Variants in BRAF observed in about 807,000 individuals in gnomAD.
BRAF encodes the protein serine/threonine-protein kinase B-raf.
A neutral mutation model predicts 104.6 loss-of-function variants in BRAF; 16 were observed. That is an observed-to-expected ratio of 0.15 (90% CI 0.10 to 0.23). The LOEUF is 0.23. Ranked by LOEUF, BRAF falls within the 10% of genes least tolerant of loss-of-function variation. The pLI, the probability that BRAF is intolerant of heterozygous loss-of-function variation, is 1.00. For synonymous variants in BRAF, 310 were observed against 341.6 expected (o/e 0.91, Z 1.02); for missense variants, 541 against 937.3 (o/e 0.58, Z 5.52).
chr7:140,826,301 ATAAC>A lies in BRAF; in HGVS notation c.504+8304_504+8307del, dbSNP rs1470068211. Among the ~76,000 whole-genome samples the A allele has an allele frequency of 2.6e-5, 4 of 152,278 alleles. No homozygotes were observed. In the East Asian group the frequency reaches 7.7e-4, roughly 29 times the overall value. ...GTATGTTCACTCTTTTTTCCTAGAG[ATAAC>A]TGTTTCTTTTGAACTTTCTACATTT... On this transcript the variant is annotated intron_variant, in intron 3 of 19. Coordinates refer to ENST00000644969, the MANE Select transcript of BRAF (RefSeq NM_001374258.1).
chr7:140,820,705 C>T (rs1805383722), intron 3 of BRAF, among the ~76,000 whole-genome samples: 1 of 152,080 alleles, frequency 6.6e-6, no homozygotes, highest in South Asian at 2.1e-4. Flanking sequence ...TATGGGAGGC[C>T]ACAGAGGGAG....
chr7:140,786,249 CTTA>C (rs1801342645), intron 9 of BRAF, among the ~76,000 whole-genome samples: 1 of 152,052 alleles, frequency 6.6e-6, no homozygotes, highest in South Asian at 2.1e-4. Flanking sequence ...AGAATGCAGG[CTTA>C]TTATTATTTT....
In BRAF at chr7:140,853,545, C is replaced by T. The variant is rs545180429; in HGVS notation, c.139-3333G>A. ...TCCAATCACATTTGGCCTAACTGAA[C>T]GTGCCAAGTATACTCCCAGTGCAGG... is the stretch of plus-strand genomic sequence containing the variant. On this transcript the variant is annotated intron_variant, in intron 1 of 19. Transcript: ENST00000644969. Among the ~76,000 whole-genome samples, 23 of 152,292 alleles carry T rather than the reference C, an allele frequency of 1.5e-4. 1 individual carries two copies. The highest frequency in any genetic ancestry group is 5.5e-4 in the African/African-American group (23 of 41,550).
rs374122153 is a variant in BRAF, at chr7:140,825,740, A to G, written c.504+8869T>C. ...ACAGGTACCTCTCAGTACTCTGAGT[A>G]TATTATTCTATTGTTTTCTGATTTC... On this transcript the variant is annotated intron_variant, in intron 3 of 19. Coordinates refer to ENST00000644969, the MANE Select transcript of BRAF (RefSeq NM_001374258.1). 8.5e-5 allele frequency among the ~76,000 whole-genome samples: 13 copies of G among 152,286 alleles called. 1 individual carries two copies. The highest frequency in any genetic ancestry group is 8.3e-4 in the South Asian group (4 of 4,822).
Position 140,724,745 on chromosome 7 carries a change from T to C in BRAF, c.*1749A>G. ...TTCTAATTCCTTGATTTATTCTGGGTCTTGTTTAATTTCTTTCAAGTCCTT... is the reference window on the plus strand; with the variant it reads ...TTCTAATTCCTTGATTTATTCTGGGCCTTGTTTAATTTCTTTCAAGTCCTT... On this transcript the variant is annotated 3_prime_UTR_variant, in exon 20 of 20. Transcript: ENST00000644969. The C allele has an allele frequency of 9.7e-7, 1 of 1,034,066 alleles. No homozygotes were observed. The highest frequency in any genetic ancestry group is 1.2e-6 in the Non-Finnish European group (1 of 859,462). The allele number at this position is 1,034,066 out of a possible 1,614,324, so 64.1% of individuals were successfully genotyped here.
At chr7:140,755,699 T>A (rs955937144) in intron 14 of BRAF, among the ~76,000 whole-genome samples, 1 of 152,142 alleles carries the variant, frequency 6.6e-6, no homozygotes, top group African/African-American at 2.4e-5. Flanking sequence ...GTCTCACTGC[T>A]TACAAAGTTC....
intron 4 of BRAF, 38 bp downstream of exon 4, chr7:140,808,854 C>CT (rs1344735817): frequency 6.5e-7 from 1 of 1,538,242 alleles, no homozygotes; most frequent in Admixed American, 1.7e-5. Flanking sequence ...GTGTGATTTT[C>CT]TTTTTAAACA....
intron 1 of BRAF, among the ~76,000 whole-genome samples, chr7:140,918,345 A>C (rs758725068): frequency 4.6e-5 from 7 of 152,136 alleles, no homozygotes; most frequent in African/African-American, 7.2e-5. Context: ...TTCTCACAAG[A>C]AGCACACAAT....
intron 16 of BRAF, 118 bp downstream of exon 15, chr7:140,753,157 T>C: frequency 2.6e-6 from 2 of 760,778 alleles, no homozygotes; most frequent in South Asian, 1.5e-5. Flanking sequence ...ACACTGATTT[T>C]TGTGAATACT....
At chr7:140,763,233 G>C (rs945376978) in intron 14 of BRAF, among the ~76,000 whole-genome samples, 1 of 151,902 alleles carries the variant, frequency 6.6e-6, no homozygotes, top group African/African-American at 2.4e-5. Flanking sequence ...GGCCGGGCGG[G>C]GGGCTGACCC....
intron 1 of BRAF, among the ~76,000 whole-genome samples, chr7:140,915,344 C>T (rs1476395270): frequency 6.6e-6 from 1 of 151,746 alleles, no homozygotes; most frequent in East Asian, 1.9e-4. Flanking sequence ...TAAAAATTTT[C>T]TGGTGTTATT....
intron 1 of BRAF, among the ~76,000 whole-genome samples, chr7:140,858,595 A>G (rs1467668640): frequency 2.0e-5 from 3 of 152,208 alleles, no homozygotes; most frequent in African/African-American, 7.2e-5. Flanking sequence ...AATTCAGTGC[A>G]TGCAGAGTGG....
At chr7:140,916,350 C>T (rs1002301333) in intron 1 of BRAF, among the ~76,000 whole-genome samples, 1 of 152,154 alleles carries the variant, frequency 6.6e-6, no homozygotes, top group Non-Finnish European at 1.5e-5. Flanking sequence ...ATATGCCTTT[C>T]CTTAGAAGAA....
At chr7:140,849,034 T>C (rs1227908494) in intron 2 of BRAF, among the ~76,000 whole-genome samples, 4 of 152,226 alleles carry the variant, frequency 2.6e-5, no homozygotes, top group African/African-American at 9.6e-5. Flanking sequence ...CTCTGGTATT[T>C]GGAGCCAAAT....
intron 3 of BRAF, among the ~76,000 whole-genome samples, chr7:140,816,096 T>C (rs1202516721): frequency 6.6e-6 from 1 of 152,224 alleles, no homozygotes; most frequent in African/African-American, 2.4e-5. Flanking sequence ...ATGTCTTGGA[T>C]TCCATAGCTG....
intron 1 of BRAF, among the ~76,000 whole-genome samples, chr7:140,888,409 TA>T (rs1218033093): frequency 1.5e-5 from 2 of 129,480 alleles, no homozygotes; most frequent in Non-Finnish European, 3.0e-5. Context: ...ACAAGTGACT[TA>T]AAATTAATTC....
In BRAF at chr7:140,873,166, C is replaced by CTTT. The variant is rs1165344332; in HGVS notation, c.139-22957_139-22955dup. On this transcript the variant is annotated intron_variant, in intron 1 of 19. Transcript: ENST00000644969. Reference sequence around the variant, plus strand: ...TGAGTAAGAACATCACAGTCTGTGGCTTTTTTTTTTTTTTTTTTTTTTTGA... The same window carrying CTTT: ...TGAGTAAGAACATCACAGTCTGTGGCTTTTTTTTTTTTTTTTTTTTTTTTTTGA... Among the ~76,000 whole-genome samples the CTTT allele has an allele frequency of 1.3e-3, 124 of 99,132 alleles. 1 individual carries two copies. The highest frequency in any genetic ancestry group is 5.7e-3 in the East Asian group (17 of 2,974). 65.0% of individuals were successfully genotyped at this position (99,132 alleles called of 152,430 possible). A position where few individuals can be genotyped will look rare whatever the true frequency, so the allele number is the denominator to read the frequency against.
At chr7:140,778,737 CAA>C (rs56980449) in intron 12 of BRAF, among the ~76,000 whole-genome samples, 21 of 140,838 alleles carry the variant, frequency 1.5e-4, no homozygotes, top group South Asian at 1.1e-3. Context: ...TTAAAATCAT[CAA>C]AAAAAAAAAA....
intron 8 of BRAF, among the ~76,000 whole-genome samples, chr7:140,792,993 ATTT>A (rs1802135418): frequency 6.6e-6 from 1 of 152,214 alleles, no homozygotes; most frequent in Admixed American, 6.5e-5. Flanking sequence ...CAGAAAATCT[ATTT>A]AGGAGATTAA....
Sources: gnomAD v4.1 joint callset for allele counts (sites outside exome capture counted in the v4.1 genomes callset) on GRCh38, gnomAD v4.1.1 for gene constraint, MANE v1.5 for transcripts, NCBI Gene and HGNC (gene_info 2026-07-23, HGNC 2026-07-21) for gene names.